The following ELFN1 variants were observed in gnomAD, a reference collection of about 807,000 sequenced individuals.
ELFN1 encodes protein ELFN1.
In ELFN1, 6 loss-of-function variants were observed where a neutral mutation model predicts 7.6. That is an observed-to-expected ratio of 0.79 (90% CI 0.43 to 1.56). The LOEUF (loss-of-function observed/expected upper bound fraction) is 1.56. ELFN1 is among the 40% of genes most tolerant of loss of function. The pLI, the probability that ELFN1 is intolerant of heterozygous loss-of-function variation, is 0.01. For missense variants in ELFN1, 1,169 were observed against 1,232.2 expected (o/e 0.95, Z 0.77); for synonymous variants, 657 against 588.1 (o/e 1.12, Z -1.70).
At chr7:1,709,876 A>G (rs1362760693) in intron 3 of ELFN1, among the ~76,000 whole-genome samples, 1 of 152,220 alleles carries the variant, frequency 6.6e-6, no homozygotes, top group Admixed American at 6.5e-5. Context: ...TAGCTGGACA[A>G]GTTCTTTTTC....
chr7:1,707,562 G>A (rs117893341), intron 2 of ELFN1, among the ~76,000 whole-genome samples: 33 of 152,322 alleles, frequency 2.2e-4, no homozygotes, highest in African/African-American at 2.4e-4. Flanking sequence ...CTGGGTAGAC[G>A]GCAGGGCGGC....
upstream of ELFN1, among the ~76,000 whole-genome samples, chr7:1,666,795 G>C (rs377258550): frequency 3.0e-4 from 45 of 150,734 alleles, no homozygotes; most frequent in East Asian, 8.1e-3. This position sits in a 1 kb window ranked among gnomAD's most constrained non-coding sequence, Gnocchi z 7.9. Context: ...AAGCCGGCGT[G>C]GGGGGGCGCA....
At chr7:1,700,564 C>T (rs558958284) in intron 2 of ELFN1, among the ~76,000 whole-genome samples, 61 of 152,236 alleles carry the variant, frequency 4.0e-4, no homozygotes, top group Non-Finnish European at 4.7e-4. Flanking sequence ...CGTGTGCTGT[C>T]CTAAGAGGGG....
chr7:1,746,068 C>G lies in ELFN1; in HGVS notation c.1472C>G (p.Pro491Arg). 2 of 1,547,090 alleles carry G rather than the reference C, an allele frequency of 1.3e-6. No individual in the cohort carries two copies. Among genetic ancestry groups the G allele is most frequent in the Non-Finnish European group, 1.7e-6 (2 of 1,145,264 alleles). ...CTGTCCCAGGGCCCGCTGCTGGGCCCCGAGGCCGTGACGCGCATCCCTTAC... is the reference window on the plus strand; with the variant it reads ...CTGTCCCAGGGCCCGCTGCTGGGCCGCGAGGCCGTGACGCGCATCCCTTAC... ...APLSQGPLLG[P>R]EAVTRIPYLP... Residue 491 changes from proline to arginine, a missense_variant, in exon 4 of 4, where the codon CCC becomes CGC. By Grantham distance (103) the Pro-to-Arg change is moderately radical (BLOSUM62 -2). Transcript: ENST00000424383.
rs1780586469 is a variant in ELFN1, at chr7:1,740,726, G to T, written c.-293-3578G>T. ...GCACCTGTCCAGCCTCTCCCCCCCG[G>T]CCCCTGACAGGAGGCTGCACAGGGC... is the stretch of plus-strand genomic sequence containing the variant. On this transcript the variant is annotated intron_variant, in intron 3 of 3. Coordinates refer to ENST00000424383, the MANE Select transcript of ELFN1 (RefSeq NM_001128636.4). This position sits in a 1 kb window ranked among gnomAD's most constrained non-coding sequence, Gnocchi z 5.0. Among the ~76,000 whole-genome samples, 1 of 152,062 alleles carries T rather than the reference G, an allele frequency of 6.6e-6. No individual in the cohort carries two copies. The highest frequency in any genetic ancestry group is 2.4e-5 in the African/African-American group (1 of 41,404).
At position 1,737,244 on chromosome 7, in the gene ELFN1, C is replaced by A. The variant is rs1315213448; in HGVS notation, c.-293-7060C>A. ...ACACCTCCCTAGCCCAGCCAAGCCT[C>A]CTCTTTCCCTGCAGGCCCCACGGTG... On this transcript the variant is annotated intron_variant, in intron 3 of 3. Coordinates refer to ENST00000424383, the MANE Select transcript of ELFN1 (RefSeq NM_001128636.4). Among the ~76,000 whole-genome samples the A allele has an allele frequency of 1.3e-5, 2 of 152,218 alleles. 1 individual carries two copies. The highest frequency in any genetic ancestry group is 2.9e-5 in the Non-Finnish European group (2 of 68,038).
chr7:1,669,410 C>G (rs978327626), upstream of ELFN1, among the ~76,000 whole-genome samples: 2 of 152,008 alleles, frequency 1.3e-5, no homozygotes, highest in Non-Finnish European at 2.9e-5. Flanking sequence ...AGGCGCCGGC[C>G]GTTCTGCGAA....
chr7:1,725,431 G>A (rs892924584), intron 3 of ELFN1, among the ~76,000 whole-genome samples: 2 of 151,848 alleles, frequency 1.3e-5, no homozygotes, highest in Non-Finnish European at 2.9e-5. Flanking sequence ...CAGCCTTAGA[G>A]AGGCGGGAGC....
intron 2 of ELFN1, among the ~76,000 whole-genome samples, chr7:1,700,371 A>G (rs1304829460): frequency 6.6e-6 from 1 of 152,202 alleles, no homozygotes; most frequent in Non-Finnish European, 1.5e-5. Flanking sequence ...GAGCTCTGTC[A>G]TTCCTGATCG....
intron 2 of ELFN1, among the ~76,000 whole-genome samples, chr7:1,700,048 T>C (rs888530906): frequency 6.6e-6 from 1 of 152,206 alleles, no homozygotes; most frequent in Non-Finnish European, 1.5e-5. Context: ...ATTTTTTTCC[T>C]TCTCTATCAA....
In ELFN1 at chr7:1,744,442, C is replaced by T. The variant is rs1047380781; in HGVS notation, c.-155C>T. 8 of 869,666 alleles carry T rather than the reference C, an allele frequency of 9.2e-6. No homozygotes were observed. The highest frequency in any genetic ancestry group is 3.5e-5 in the Admixed American group (1 of 28,506). 53.9% of individuals were successfully genotyped at this position (869,666 alleles called of 1,614,324 possible). A position where few individuals can be genotyped will look rare whatever the true frequency, so the allele number is the denominator to read the frequency against. ...GAGGGAGGCGCCCTCCCTCCCCGCG[C>T]TTACGTCGCGCGGCCATGCGGTTTG... On this transcript the variant is annotated 5_prime_UTR_variant, in exon 4 of 4. Coordinates refer to ENST00000424383, the MANE Select transcript of ELFN1 (RefSeq NM_001128636.4).
chr7:1,703,182 C>T (rs1302923409), intron 2 of ELFN1, among the ~76,000 whole-genome samples: 1 of 152,098 alleles, frequency 6.6e-6, no homozygotes, highest in East Asian at 1.9e-4. Flanking sequence ...TTCGTAACCA[C>T]CTGTATTTTC....
intron 3 of ELFN1, among the ~76,000 whole-genome samples, chr7:1,728,208 G>T (rs1219052896): frequency 6.6e-6 from 1 of 152,178 alleles, no homozygotes; most frequent in Non-Finnish European, 1.5e-5. Context: ...CCTGTGGTCT[G>T]CACTGTAGCC....
rs900958186 is a variant in ELFN1, at chr7:1,744,595, C to T, written c.-2C>T. 36 of 1,509,944 alleles carry T rather than the reference C, an allele frequency of 2.4e-5. No homozygotes were observed. The highest frequency in any genetic ancestry group is 3.9e-5 in the South Asian group (3 of 76,414). The allele number at this position is 1,509,944 out of a possible 1,614,324, so 93.5% of individuals were successfully genotyped here. On this transcript the variant is annotated 5_prime_UTR_variant, in exon 4 of 4. Transcript: ENST00000424383. ...ATTGGGGCTCCCTGCAGGGCGGTCCCGATGGCCGGGCGTGGGTGGGGCGCG... is the reference window on the plus strand; with the variant it reads ...ATTGGGGCTCCCTGCAGGGCGGTCCTGATGGCCGGGCGTGGGTGGGGCGCG...
chr7:1,675,747 G>A (rs1778858066), intron 1 of ELFN1, among the ~76,000 whole-genome samples: 1 of 152,224 alleles, frequency 6.6e-6, no homozygotes, highest in Non-Finnish European at 1.5e-5. Context: ...CTGGCCCGGA[G>A]GGACGAGTCA....
chr7:1,747,103 GC>G lies in ELFN1; in HGVS notation c.*23del. The G allele has an allele frequency of 6.9e-7, 1 of 1,455,848 alleles. No homozygotes were observed. The highest frequency in any genetic ancestry group is 9.1e-7 in the Non-Finnish European group (1 of 1,096,824). 90.2% of individuals were successfully genotyped at this position (1,455,848 alleles called of 1,614,324 possible). A position where few individuals can be genotyped will look rare whatever the true frequency, so the allele number is the denominator to read the frequency against. On this transcript the variant is annotated 3_prime_UTR_variant, in exon 4 of 4. Transcript: ENST00000424383. ...TCCTGAGCCCCCCAAGACCGGCGAT[GC>G]CCACTGGACCAAAAAGGATGCAGGA...
rs771583831 is a variant in ELFN1 at position 1,745,960 on chromosome 7, C to T, written c.1364C>T (p.Ser455Leu). 20 of 1,547,170 alleles carry T rather than the reference C, an allele frequency of 1.3e-5. No homozygotes were observed. Among genetic ancestry groups the T allele is most frequent in the Middle Eastern group, 1.7e-4 (1 of 5,990 alleles). Residue 455 changes from serine to leucine, a missense_variant, in exon 4 of 4, where the codon TCG (serine) becomes TTG (leucine). By Grantham distance (145) the Ser-to-Leu change is moderately radical (BLOSUM62 -2). Coordinates refer to ENST00000424383, the MANE Select transcript of ELFN1 (RefSeq NM_001128636.4). ...RQEEKHKKAA[S>L]AAAAGSLKKT... ...GAGGAGAAGCACAAGAAGGCCGCCT[C>T]GGCAGCCGCAGCTGGCAGCCTCAAG... is the stretch of plus-strand genomic sequence containing the variant.
At chr7:1,711,221 G>A (rs746804090) in intron 3 of ELFN1, among the ~76,000 whole-genome samples, 3 of 152,234 alleles carry the variant, frequency 2.0e-5, no homozygotes, top group Non-Finnish European at 2.9e-5. Context: ...GAGGGGCTGC[G>A]TCTCCAGAGT....
chr7:1,716,649 G>A (rs1779841906), intron 3 of ELFN1, among the ~76,000 whole-genome samples: 1 of 152,218 alleles, frequency 6.6e-6, no homozygotes, highest in African/African-American at 2.4e-5. Flanking sequence ...GACCCCTGGG[G>A]CTGCATGCGT....
Sources: gnomAD v4.1 joint callset for allele counts (sites outside exome capture counted in the v4.1 genomes callset) on GRCh38, gnomAD v4.1.1 for gene constraint, Gnocchi (gnomAD v3.1) non-coding constraint, MANE v1.5 for transcripts, NCBI Gene and HGNC (gene_info 2026-07-23, HGNC 2026-07-21) for gene names.